C2CD2: variants seen among roughly 807,000 people sequenced by gnomAD.
C2CD2 encodes C2 calcium dependent domain containing 2.
In C2CD2, 43 loss-of-function variants were observed where a neutral mutation model predicts 74.3. The observed-to-expected ratio is 0.58, with a 90% CI of 0.45 to 0.75. C2CD2 has a LOEUF of 0.75. Ranked by LOEUF, C2CD2 falls within the 30% of genes least tolerant of loss-of-function variation. The pLI is 0.00. For synonymous variants in C2CD2, 422 were observed against 390.7 expected (o/e 1.08, Z -0.94); for missense variants, 801 against 916.3 (o/e 0.87, Z 1.63).
chr21:41,905,695 G>A (rs1338766033), intron 11 of C2CD2, 29 bp downstream of exon 11: 1 of 1,170,068 alleles, frequency 8.5e-7, no homozygotes, highest in Admixed American at 1.8e-5. Context: ...GTGCTAAGAG[G>A]GAGAGCGACG....
intron 11 of C2CD2, among the ~76,000 whole-genome samples, chr21:41,905,349 G>T (rs1262850961): frequency 8.3e-6 from 1 of 121,126 alleles, no homozygotes; most frequent in Non-Finnish European, 1.5e-5. Flanking sequence ...ACAGGGTCTC[G>T]CTCTGTCACC....
At position 41,899,037 on chromosome 21, in the gene C2CD2, G is replaced by A; in HGVS notation, c.1870+16C>T. 6.2e-7 allele frequency: 1 copy of A among 1,604,956 alleles called. No individual in the cohort carries two copies. Among genetic ancestry groups the A allele is most frequent in the African/African-American group, 1.3e-5 (1 of 74,638 alleles). ...CCAAGTGGGGGGCCCGGGATGGGGGGCTCGGGAGCAGGTACCTTTATGCTT... is the reference window on the plus strand; with the variant it reads ...CCAAGTGGGGGGCCCGGGATGGGGGACTCGGGAGCAGGTACCTTTATGCTT... On this transcript the variant is annotated intron_variant, in intron 13 of 13. Transcript: ENST00000380486. The surrounding 1 kb of genome is among the most constrained non-coding windows in gnomAD (Gnocchi z 4.4).
At chr21:41,897,296 G>A (rs553204792) in intron 13 of C2CD2, among the ~76,000 whole-genome samples, 2 of 152,334 alleles carry the variant, frequency 1.3e-5, no homozygotes, top group East Asian at 1.9e-4. Flanking sequence ...CGGACGGGGG[G>A]TTGGGTTCTG....
Position 41,901,613 on chromosome 21 carries a change from C to T in C2CD2, c.1560+9G>A, listed in dbSNP as rs369882465. 78 of 1,614,006 alleles carry T rather than the reference C, an allele frequency of 4.8e-5. No homozygotes were observed. Among genetic ancestry groups the T allele is most frequent in the African/African-American group, 1.2e-4 (9 of 74,922 alleles). ...CAGATGAACACCTCCCCAGCCACCA[C>T]GATGGTACCTTGGAGATCCCTGATA... On this transcript the variant is annotated intron_variant, in intron 12 of 13. Transcript: ENST00000380486.
Position 41,895,480 on chromosome 21 carries a change from G to A in C2CD2, c.1870+3573C>T, listed in dbSNP as rs944680495. Reference sequence around the variant, plus strand: ...CTTGACTCCAGGCTACCTTCTCTACGCCAACAGCAAGAAGCGAGATTTAGA... The same window carrying A: ...CTTGACTCCAGGCTACCTTCTCTACACCAACAGCAAGAAGCGAGATTTAGA... On this transcript the variant is annotated intron_variant, in intron 13 of 13. Coordinates refer to ENST00000380486, the MANE Select transcript of C2CD2 (RefSeq NM_015500.2). The surrounding 1 kb of genome is among the most constrained non-coding windows in gnomAD (Gnocchi z 5.0). Among the ~76,000 whole-genome samples the A allele has an allele frequency of 3.3e-5, 5 of 152,120 alleles. No homozygotes were observed. The highest frequency in any genetic ancestry group is 1.2e-4 in the African/African-American group (5 of 41,396).
At chr21:41,904,631 A>G (rs1486091619) in intron 11 of C2CD2, among the ~76,000 whole-genome samples, 1 of 152,160 alleles carries the variant, frequency 6.6e-6, no homozygotes, top group Non-Finnish European at 1.5e-5. Flanking sequence ...GTAGTATCCA[A>G]AAAACCATAA....
chr21:41,953,048 C>T (rs1293334120), intron 1 of C2CD2: 7 of 322,004 alleles, frequency 2.2e-5, no homozygotes, highest in Non-Finnish European at 4.0e-5. Context: ...GGGAATTCGC[C>T]CCGGGACTCC....
At chr21:41,922,438 T>C (rs2065165187) in intron 2 of C2CD2, among the ~76,000 whole-genome samples, 1 of 151,418 alleles carries the variant, frequency 6.6e-6, no homozygotes, top group South Asian at 2.1e-4. Context: ...GTGCTGGGAT[T>C]GCAGGCATGA....
chr21:41,896,478 A>G (rs939169055), intron 13 of C2CD2, among the ~76,000 whole-genome samples: 1 of 152,120 alleles, frequency 6.6e-6, no homozygotes, highest in African/African-American at 2.4e-5. Flanking sequence ...CCCATAATAT[A>G]CCCTCTTAAC....
intron 1 of C2CD2, among the ~76,000 whole-genome samples, chr21:41,947,399 C>G (rs566393058): frequency 6.6e-6 from 1 of 151,888 alleles, no homozygotes; most frequent in Non-Finnish European, 1.5e-5. Flanking sequence ...TCAGGTGATC[C>G]GCCCGCCTCA....
At chr21:41,919,074 G>A (rs1170251400) in intron 3 of C2CD2, 114 bp from the exon 4 acceptor site, 1 of 747,572 alleles carries the variant, frequency 1.3e-6, no homozygotes, top group Non-Finnish European at 2.3e-6. Context: ...ATGTGAGCAT[G>A]TGTCTATGTG....
At chr21:41,908,122 T>C in intron 8 of C2CD2, 1 of 343,254 alleles carries the variant, frequency 2.9e-6, no homozygotes, top group Non-Finnish European at 5.4e-6. Context: ...ATTGCAGCAA[T>C]GTAAATTCAG....
chr21:41,897,333 A>G (rs1210995452), intron 13 of C2CD2, among the ~76,000 whole-genome samples: 1 of 152,200 alleles, frequency 6.6e-6, no homozygotes, highest in Non-Finnish European at 1.5e-5. Context: ...CGGGCCATCC[A>G]GTCAGGTAAG....
Position 41,926,259 on chromosome 21 carries a change from T to C in C2CD2, c.379-4174A>G, listed in dbSNP as rs1175025540. The stretch of plus-strand genomic sequence containing the variant: ...AGCAAAGATTATTTACATAAAGCAT[T>C]TGAAAATCAAGCAACAGAAGGGTGA... On this transcript the variant is annotated intron_variant, in intron 2 of 13. Coordinates refer to ENST00000380486, the MANE Select transcript of C2CD2 (RefSeq NM_015500.2). This position sits in a 1 kb window ranked among gnomAD's most constrained non-coding sequence, Gnocchi z 8.0. 1 of 163,332 alleles carries C rather than the reference T, an allele frequency of 6.1e-6. No homozygotes were observed. Among genetic ancestry groups the C allele is most frequent in the Non-Finnish European group, 1.3e-5 (1 of 78,218 alleles). 10.1% of individuals were successfully genotyped at this position (163,332 alleles called of 1,614,324 possible). A position where few individuals can be genotyped will look rare whatever the true frequency, so the allele number is the denominator to read the frequency against.
chr21:41,928,544 C>CAAAAAAAAAAAA (rs59346777), intron 2 of C2CD2, among the ~76,000 whole-genome samples: 22 of 72,256 alleles, frequency 3.0e-4, no homozygotes, highest in Non-Finnish European at 4.0e-4. Flanking sequence ...TAAAGCAAAG[C>CAAAAAAAAAAAA]AAAAAAAAAA....
chr21:41,918,442 C>T (rs1227035354), intron 4 of C2CD2, among the ~76,000 whole-genome samples: 2 of 152,250 alleles, frequency 1.3e-5, no homozygotes, highest in Admixed American at 6.5e-5. Flanking sequence ...GCAGCACCCT[C>T]ACCGTGGGAG....
At chr21:41,928,109 G>A (rs2065230932) in intron 2 of C2CD2, among the ~76,000 whole-genome samples, 1 of 152,236 alleles carries the variant, frequency 6.6e-6, no homozygotes, top group Non-Finnish European at 1.5e-5. Context: ...AATCAAGACA[G>A]TTCCTTTAAC....
At position 41,930,665 on chromosome 21, in the gene C2CD2, G is replaced by A. The variant is rs542409459; in HGVS notation, c.379-8580C>T. 1.6e-3 allele frequency among the ~76,000 whole-genome samples: 240 copies of A among 149,100 alleles called. 3 individuals are homozygous for A. Among genetic ancestry groups the A allele is most frequent in the African/African-American group, 5.4e-3 (224 of 41,160 alleles). On this transcript the variant is annotated intron_variant, in intron 2 of 13. Transcript: ENST00000380486. Reference sequence around the variant, plus strand: ...TGCAGTAAGCCAAGATTGCGCCACTGCACTCCAGCCTGGGCAAGAGAGTGA... The same window carrying A: ...TGCAGTAAGCCAAGATTGCGCCACTACACTCCAGCCTGGGCAAGAGAGTGA...
At position 41,905,811 on chromosome 21, in the gene C2CD2, C is replaced by T; in HGVS notation, c.1345G>A (p.Val449Met). The change falls in exon 11 of 14, where the codon GTG (valine) becomes ATG (methionine). Residue 449 changes from valine to methionine, a missense_variant. By Grantham distance (21) the Val-to-Met change is conservative (BLOSUM62 1). Coordinates refer to ENST00000380486, the MANE Select transcript of C2CD2 (RefSeq NM_015500.2). ...SDSPVKTPIK[V>M]KVIEKDISVQ... ...GAGATGTCCTTCTCGATCACCTTCA[C>T]CTTGATGGGAGTCTTCACCGGAGAA... The T allele has an allele frequency of 4.4e-6, 7 of 1,605,610 alleles. No individual in the cohort carries two copies. The highest frequency in any genetic ancestry group is 6.0e-6 in the Non-Finnish European group (7 of 1,172,232).
Sources: allele counts gnomAD v4.1 joint callset (sites outside exome capture counted in the v4.1 genomes callset), GRCh38; gene constraint gnomAD v4.1.1; non-coding constraint Gnocchi (gnomAD v3.1); transcripts MANE v1.5; gene names NCBI Gene and HGNC (gene_info 2026-07-23, HGNC 2026-07-21).